TUSC3: variants seen among roughly 807,000 people sequenced by gnomAD.
The protein encoded by TUSC3 is dolichyl-diphosphooligosaccharide--protein glycosyltransferase subunit TUSC3.
TUSC3 carries 45 observed loss-of-function variants against 44.8 expected under a neutral mutation model. The ratio of observed to expected loss-of-function variants is 1.00; its 90% confidence interval spans 0.79 to 1.29. The LOEUF (loss-of-function observed/expected upper bound fraction) is 1.29. TUSC3 is among the 50% of genes most tolerant of loss of function. The probability of loss-of-function intolerance (pLI) is 0.00; values close to 1 mark genes in which losing one functional copy is unlikely to be tolerated. For synonymous variants in TUSC3, 212 were observed against 152.9 expected (o/e 1.39, Z -2.85); for missense variants, 519 against 437.9 (o/e 1.19, Z -1.65).
intron 7 of TUSC3, among the ~76,000 whole-genome samples, chr8:15,739,306 CCTT>C: frequency 6.6e-6 from 1 of 151,744 alleles, no homozygotes; most frequent in African/African-American, 2.4e-5. Context: ...TTATGTTTTG[CCTT>C]ATTTATTTGG....
chr8:15,544,018 T>C (rs1390443485), intron 1 of TUSC3, among the ~76,000 whole-genome samples: 1 of 152,168 alleles, frequency 6.6e-6, no homozygotes, highest in African/African-American at 2.4e-5. Flanking sequence ...TGTTTTGTTA[T>C]ATTCCCTGTT....
chr8:15,545,622 A>C (rs939522774), intron 1 of TUSC3, among the ~76,000 whole-genome samples: 5 of 151,724 alleles, frequency 3.3e-5, no homozygotes, highest in Admixed American at 3.3e-4. Flanking sequence ...TGGTCAAAAG[A>C]GAACATTTTC....
At chr8:15,488,780 C>T (rs1213131403) in intron 2 of TUSC3, among the ~76,000 whole-genome samples, 1 of 152,108 alleles carries the variant, frequency 6.6e-6, no homozygotes, top group Non-Finnish European at 1.5e-5. Flanking sequence ...TACCAGACAC[C>T]AAATCTGACG....
intron 2 of TUSC3, among the ~76,000 whole-genome samples, chr8:15,520,308 T>C (rs959747326): frequency 1.3e-5 from 2 of 152,216 alleles, no homozygotes; most frequent in African/African-American, 4.8e-5. Flanking sequence ...ATGAATACTA[T>C]CATACAACTG....
chr8:15,611,103 G>A (rs1436095290), intron 1 of TUSC3, among the ~76,000 whole-genome samples: 1 of 152,122 alleles, frequency 6.6e-6, no homozygotes, highest in African/African-American at 2.4e-5. Flanking sequence ...CCCAGAGGTG[G>A]AATTGGTTTG....
the TUSC3 span, among the ~76,000 whole-genome samples, chr8:15,794,781 G>T: frequency 1.2e-4 from 19 of 152,156 alleles, no homozygotes; most frequent in Non-Finnish European, 2.9e-5. Flanking sequence ...TGATCCACAG[G>T]GGGGAAAATA....
intron 2 of TUSC3, among the ~76,000 whole-genome samples, chr8:15,504,093 T>C (rs1448958549): frequency 6.6e-6 from 1 of 150,438 alleles, no homozygotes; most frequent in African/African-American, 2.5e-5. Flanking sequence ...CAGACTAGAG[T>C]CAAATGAGGC....
intron 9 of TUSC3, 56 bp from the exon 10 acceptor site, chr8:15,757,735 A>G: frequency 6.8e-7 from 1 of 1,477,292 alleles, no homozygotes; most frequent in East Asian, 2.3e-5. Context: ...ATGGAAATTC[A>G]ATCTTAAGGA....
the TUSC3 span, among the ~76,000 whole-genome samples, chr8:15,789,824 A>G: frequency 3.1e-3 from 474 of 152,326 alleles, 2 homozygotes; most frequent in African/African-American, 0.011. Context: ...AGCAGATGAC[A>G]ATGAAAAACG....
chr8:15,616,976 G>A (rs915091179), intron 1 of TUSC3, among the ~76,000 whole-genome samples: 1 of 152,238 alleles, frequency 6.6e-6, no homozygotes, highest in East Asian at 1.9e-4. Context: ...GATCAGAGGC[G>A]CTGCTTGCTG....
rs561142457 is a variant in TUSC3, at chr8:15,592,646, G to T, written c.139-30434G>T. On this transcript the variant is annotated intron_variant, in intron 1 of 10. Transcript: ENST00000503731. The stretch of plus-strand genomic sequence containing the variant: ...AGGCCTCATCAGAAGCCAAGCGGAT[G>T]CTGACACCATGCTTGTACAGCTTGC... Among the ~76,000 whole-genome samples the T allele has an allele frequency of 4.6e-5, 7 of 152,304 alleles. No homozygotes were observed. In the South Asian group the frequency reaches 1.5e-3, roughly 32 times the overall value.
intron 6 of TUSC3, among the ~76,000 whole-genome samples, chr8:15,721,139 C>T (rs2543138): frequency 0.49 from 74,322 of 151,768 alleles, 18,562 homozygotes; most frequent in Admixed American, 0.58. Flanking sequence ...CTCCTAATCA[C>T]CCCATAAGTA....
intron 2 of TUSC3, among the ~76,000 whole-genome samples, chr8:15,534,692 A>C (rs1407896472): frequency 6.6e-6 from 1 of 151,966 alleles, no homozygotes; most frequent in Non-Finnish European, 1.5e-5. Context: ...AAAGGAGTTT[A>C]ATTGAGCAAT....
intron 3 of TUSC3, among the ~76,000 whole-genome samples, chr8:15,658,639 TACACAC>T (rs57739356): frequency 2.0e-5 from 3 of 148,598 alleles, no homozygotes; most frequent in African/African-American, 7.4e-5. Flanking sequence ...CACATATATA[TACACAC>T]ACACACACAC....
At chr8:15,818,685 A>G in the TUSC3 span, among the ~76,000 whole-genome samples, 2 of 152,256 alleles carry the variant, frequency 1.3e-5, no homozygotes, top group Non-Finnish European at 2.9e-5. Flanking sequence ...CAAATGAAGG[A>G]CAATCATAAT....
At chr8:15,467,825 G>A (rs971422533) in intron 1 of TUSC3, among the ~76,000 whole-genome samples, 3 of 151,772 alleles carry the variant, frequency 2.0e-5, no homozygotes, top group African/African-American at 7.3e-5. Context: ...TCTTTTCTAC[G>A]TATGCTTCTA....
chr8:15,815,506 A>C, the TUSC3 span, among the ~76,000 whole-genome samples: 2 of 152,166 alleles, frequency 1.3e-5, no homozygotes, highest in Non-Finnish European at 2.9e-5. Flanking sequence ...GGCCAGGAAT[A>C]GGATAAAGCT....
rs559156102 is a variant in TUSC3, at chr8:15,506,459, C to A, written n.189+22976C>A. On this transcript the variant is annotated intron_variant and non_coding_transcript_variant, in intron 2 of 5. Coordinates refer to the TUSC3 transcript ENST00000503191. ...TTGTTTGACTGTACATCATATGACCCCTTGTATTAGCTCATTTTCATGCTG... is the reference window on the plus strand; with the variant it reads ...TTGTTTGACTGTACATCATATGACCACTTGTATTAGCTCATTTTCATGCTG... Among the ~76,000 whole-genome samples the A allele has an allele frequency of 8.5e-5, 13 of 152,248 alleles. No homozygotes were observed. In the East Asian group the frequency reaches 2.5e-3, roughly 29 times the overall value.
chr8:15,643,325 C>A (rs1413750203), intron 2 of TUSC3, among the ~76,000 whole-genome samples: 1 of 151,898 alleles, frequency 6.6e-6, no homozygotes, highest in East Asian at 1.9e-4. Context: ...GTTAAACGAA[C>A]AATGCGTTAA....
Sources: allele counts gnomAD v4.1 joint callset (sites outside exome capture counted in the v4.1 genomes callset), GRCh38; gene constraint gnomAD v4.1.1; transcripts MANE v1.5; gene names NCBI Gene and HGNC (gene_info 2026-07-23, HGNC 2026-07-21).